KIFC3: variants seen among roughly 807,000 people sequenced by gnomAD.
KIFC3 encodes the protein kinesin family member C3, also known as kinesin-like protein KIFC3.
KIFC3 carries 60 observed loss-of-function variants against 101.8 expected under a neutral mutation model. The ratio of observed to expected loss-of-function variants is 0.59; its 90% CI spans 0.48 to 0.73. KIFC3 has a LOEUF of 0.73. Among genes scored for constraint, KIFC3 ranks in the 30% least tolerant of loss-of-function variants. The pLI is 0.00. For synonymous variants in KIFC3, 476 were observed against 482.7 expected (o/e 0.99, Z 0.18); for missense variants, 966 against 1,137.1 (o/e 0.85, Z 2.16).
Position 57,758,648 on chromosome 16 carries a change from CGCTGATG to C in KIFC3, c.*279_*285del, listed in dbSNP as rs1567912817. 3 of 701,982 alleles carry C rather than the reference CGCTGATG, an allele frequency of 4.3e-6. No individual in the cohort carries two copies. In the East Asian group the frequency reaches 8.1e-5, roughly 19 times the overall value. 43.5% of individuals were successfully genotyped at this position (701,982 alleles called of 1,614,324 possible). On this transcript the variant is annotated 3_prime_UTR_variant, in exon 20 of 20. Coordinates refer to ENST00000445690, the MANE Select transcript of KIFC3 (RefSeq NM_001130100.2). Reference sequence around the variant, plus strand: ...CCCGCCCTCCTCACGGGGCCCAGTTCGCTGATGGCCCAGGCCTGCCAGGAAGAGCAGC... The same window carrying C: ...CCCGCCCTCCTCACGGGGCCCAGTTCGCCCAGGCCTGCCAGGAAGAGCAGC...
At chr16:57,760,058 C>T in intron 17 of KIFC3, 4 of 622,512 alleles carry the variant, frequency 6.4e-6, no homozygotes, top group South Asian at 2.0e-5. Context: ...CTATGTGCCA[C>T]CCCCACGGCC....
chr16:57,851,636 G>T (rs548520741), intron 1 of KIFC3, among the ~76,000 whole-genome samples: 15 of 150,282 alleles, frequency 1.0e-4, no homozygotes, highest in African/African-American at 3.7e-4. Context: ...GCACAATCCC[G>T]ACTCACTGCA....
Position 57,769,780 on chromosome 16 carries a change from G to A in KIFC3, c.1087+28C>T. ...AGGGGATGAGGGGCCGCGGCGTGGG[G>A]CAGACAGGGCCCAGCTGGTCAGCTC... On this transcript the variant is annotated intron_variant, in intron 8 of 19. Coordinates refer to ENST00000445690, the MANE Select transcript of KIFC3 (RefSeq NM_001130100.2). The surrounding 1 kb of genome is among the most constrained non-coding windows in gnomAD (Gnocchi z 4.3). 6.2e-7 allele frequency: 1 copy of A among 1,612,798 alleles called. No homozygotes were observed. Among genetic ancestry groups the A allele is most frequent in the Non-Finnish European group, 8.5e-7 (1 of 1,179,786 alleles).
In KIFC3 at chr16:57,771,794, G is replaced by A; in HGVS notation, c.382-108C>T. 2.2e-6 allele frequency: 3 copies of A among 1,337,306 alleles called. 1 individual carries two copies. In the South Asian group the frequency reaches 4.4e-5, roughly 19 times the overall value. The allele number at this position is 1,337,306 out of a possible 1,614,324, so 82.8% of individuals were successfully genotyped here. A position where few individuals can be genotyped will look rare whatever the true frequency, so the allele number is the denominator to read the frequency against. On this transcript the variant is annotated intron_variant, in intron 4 of 19. Coordinates refer to ENST00000445690, the MANE Select transcript of KIFC3 (RefSeq NM_001130100.2). ...AGGGCAGGGAAGAGAGGAGAGGTGTGGAGAAAGGCAGAGGGAAGGAGAAAA... is the reference window on the plus strand; with the variant it reads ...AGGGCAGGGAAGAGAGGAGAGGTGTAGAGAAAGGCAGAGGGAAGGAGAAAA...
At chr16:57,851,411 AAC>A (rs2056054994) in intron 1 of KIFC3, among the ~76,000 whole-genome samples, 1 of 152,104 alleles carries the variant, frequency 6.6e-6, no homozygotes, top group Non-Finnish European at 1.5e-5. Context: ...TCATATTAAA[AAC>A]ACATAGATTT....
At chr16:57,843,077 G>C (rs1326990264) in intron 1 of KIFC3, among the ~76,000 whole-genome samples, 1 of 150,454 alleles carries the variant, frequency 6.6e-6, no homozygotes, top group Admixed American at 6.6e-5. Context: ...AGGTTACAGT[G>C]AGCCGAGATC....
intron 1 of KIFC3, among the ~76,000 whole-genome samples, chr16:57,832,116 G>A (rs1373030572): frequency 6.6e-6 from 1 of 151,952 alleles, no homozygotes; most frequent in African/African-American, 2.4e-5. Flanking sequence ...CACCTCCTGG[G>A]TTCAAGCCAT....
intron 3 of KIFC3, among the ~76,000 whole-genome samples, chr16:57,780,105 G>A (rs868929142): frequency 2.0e-5 from 3 of 152,322 alleles, no homozygotes; most frequent in South Asian, 4.1e-4. Flanking sequence ...CTTGACATGT[G>A]GGGATTACAA....
chr16:57,830,886 A>G (rs2055567804), intron 1 of KIFC3, among the ~76,000 whole-genome samples: 1 of 152,196 alleles, frequency 6.6e-6, no homozygotes, highest in Non-Finnish European at 1.5e-5. Flanking sequence ...CACCAAAGCC[A>G]CAGTAACTGA....
At chr16:57,858,623 T>TA in intron 1 of KIFC3, among the ~76,000 whole-genome samples, 1 of 152,210 alleles carries the variant, frequency 6.6e-6, no homozygotes, top group Middle Eastern at 3.4e-3. Flanking sequence ...GCTTTTTTTT[T>TA]AACCATCCCC....
chr16:57,862,397 T>G (rs1596925526), intron 1 of KIFC3, among the ~76,000 whole-genome samples: 1 of 152,260 alleles, frequency 6.6e-6, no homozygotes, highest in East Asian at 1.9e-4. Flanking sequence ...AATTTTCCAT[T>G]TAATATTTTT....
chr16:57,851,204 G>A (rs1264393944), intron 1 of KIFC3, among the ~76,000 whole-genome samples: 1 of 151,864 alleles, frequency 6.6e-6, no homozygotes, highest in Non-Finnish European at 1.5e-5. Flanking sequence ...TGTAGAGACG[G>A]GGGTCTCATT....
At chr16:57,760,038 T>C in intron 17 of KIFC3, 2 of 614,584 alleles carry the variant, frequency 3.3e-6, no homozygotes, top group Non-Finnish European at 5.7e-6. Flanking sequence ...TAGTTACCAC[T>C]GAGCATCTAC....
chr16:57,813,483 C>T (rs1220669030), intron 1 of KIFC3, among the ~76,000 whole-genome samples: 3 of 152,160 alleles, frequency 2.0e-5, no homozygotes, highest in East Asian at 1.9e-4. Flanking sequence ...ACCCCCTCCA[C>T]GCCTCCCTGT....
chr16:57,776,406 C>T (rs4784010), intron 3 of KIFC3: 23,988 of 984,668 alleles, frequency 0.024, 519 homozygotes, highest in East Asian at 0.14. Context: ...GTCCTTCCGC[C>T]ACTGATGGGC....
chr16:57,765,610 G>A lies in KIFC3; in HGVS notation c.1361C>T (p.Pro454Leu). 3 of 1,612,110 alleles carry A rather than the reference G, an allele frequency of 1.9e-6. No homozygotes were observed. The highest frequency in any genetic ancestry group is 2.5e-6 in the Non-Finnish European group (3 of 1,179,184). The change falls in exon 11 of 20, where the codon CCA (proline) becomes CTA (leucine). Residue 454 changes from proline (P) to leucine (L), a missense_variant. Physicochemically the swap from Pro to Leu is moderately conservative, Grantham distance 98 (BLOSUM62 -3). Coordinates refer to ENST00000445690, the MANE Select transcript of KIFC3 (RefSeq NM_001130100.2). The part of the protein sequence containing the change: ...GNIRVIARVR[P>L]VTKEDGEGPE... Reference sequence around the variant, plus strand: ...TCCTTCCCCATCCTCTTTGGTGACTGGCCGGACACGAGCAATCACTCGGAT... The same window carrying A: ...TCCTTCCCCATCCTCTTTGGTGACTAGCCGGACACGAGCAATCACTCGGAT...
chr16:57,769,771 C>T lies in KIFC3; in HGVS notation c.1087+37G>A, dbSNP rs1567965461. Reference sequence around the variant, plus strand: ...TGAGGCGGGAGGGGATGAGGGGCCGCGGCGTGGGGCAGACAGGGCCCAGCT... The same window carrying T: ...TGAGGCGGGAGGGGATGAGGGGCCGTGGCGTGGGGCAGACAGGGCCCAGCT... On this transcript the variant is annotated intron_variant, in intron 8 of 19. Transcript: ENST00000445690. The surrounding 1 kb of genome is among the most constrained non-coding windows in gnomAD (Gnocchi z 4.3). 10 of 1,612,140 alleles carry T rather than the reference C, an allele frequency of 6.2e-6. No homozygotes were observed. The highest frequency in any genetic ancestry group is 1.1e-5 in the South Asian group (1 of 91,030).
intron 1 of KIFC3, among the ~76,000 whole-genome samples, chr16:57,848,814 A>C (rs1442189683): frequency 6.6e-6 from 1 of 152,194 alleles, no homozygotes; most frequent in African/African-American, 2.4e-5. Context: ...AAAAAACTAG[A>C]GGTTTTCTCT....
At chr16:57,804,741 C>A (rs548992283), upstream of KIFC3, among the ~76,000 whole-genome samples, 2 of 151,810 alleles carry the variant, frequency 1.3e-5, no homozygotes, top group Non-Finnish European at 2.9e-5. Context: ...AGGCACACAC[C>A]AGTGTGCCTA....
Sources: gnomAD v4.1 joint callset for allele counts (sites outside exome capture counted in the v4.1 genomes callset) on GRCh38, gnomAD v4.1.1 for gene constraint, Gnocchi (gnomAD v3.1) non-coding constraint, MANE v1.5 for transcripts, NCBI Gene and HGNC (gene_info 2026-07-23, HGNC 2026-07-21) for gene names.